The following TBC1D5 variants were observed in gnomAD, a reference collection of about 807,000 sequenced individuals.
TBC1D5 encodes TBC1 domain family member 5.
TBC1D5 carries 75 observed loss-of-function variants against 100.3 expected under a neutral mutation model. The observed-to-expected ratio is 0.75, with a 90% CI of 0.62 to 0.91. The LOEUF (loss-of-function observed/expected upper bound fraction) is 0.91. Among genes scored for constraint, TBC1D5 ranks in the 40% least tolerant of loss-of-function variants. The probability of loss-of-function intolerance (pLI) is 0.00; values close to 1 mark genes in which losing one functional copy is unlikely to be tolerated. For synonymous variants in TBC1D5, 323 were observed against 325.6 expected, an observed-to-expected ratio of 0.99 and a Z score of 0.09; for missense variants, 910 against 942.4, an observed-to-expected ratio of 0.97 and a Z score of 0.45.
chr3:17,446,693 C>T (rs1055915614), intron 3 of TBC1D5, among the ~76,000 whole-genome samples: 2 of 152,160 alleles, frequency 1.3e-5, no homozygotes, highest in African/African-American at 2.4e-5. Flanking sequence ...CACATTGGGC[C>T]GGGCGCGGTG....
chr3:17,176,359 G>C (rs1377279298), intron 19 of TBC1D5, among the ~76,000 whole-genome samples: 1 of 152,188 alleles, frequency 6.6e-6, no homozygotes, highest in Admixed American at 6.5e-5. Flanking sequence ...GCTCTACCAG[G>C]AATGAAATGA....
At chr3:17,634,606 C>G (rs117692078) in intron 1 of TBC1D5, among the ~76,000 whole-genome samples, 2,218 of 134,878 alleles carry the variant, frequency 0.016, 35 homozygotes, top group South Asian at 0.046. Flanking sequence ...ATAGAGGGGA[C>G]GTGGGGATGG....
intron 1 of TBC1D5, among the ~76,000 whole-genome samples, chr3:17,633,036 C>T (rs977116734): frequency 2.6e-5 from 4 of 152,100 alleles, no homozygotes; most frequent in African/African-American, 9.7e-5. Flanking sequence ...TTCTTTCCTT[C>T]TTCCTAATGA....
chr3:17,719,485 C>CGTTA lies in TBC1D5; in HGVS notation c.-101+19857_-101+19858insTAAC, dbSNP rs568545131. Among the ~76,000 whole-genome samples the CGTTA allele has an allele frequency of 4.9e-3, 743 of 152,168 alleles. 3 individuals carry two copies. The highest frequency in any genetic ancestry group is 0.017 in the African/African-American group (701 of 41,528). On this transcript the variant is annotated intron_variant, in intron 1 of 21. Transcript: ENST00000253692. ...ATTTCTTTTGTTTAACCTCAGTTTT[C>CGTTA]TTAACAGTATTACAGAATGTGAAGA...
At chr3:17,737,250 A>C (rs923632530) in intron 1 of TBC1D5, among the ~76,000 whole-genome samples, 6 of 152,178 alleles carry the variant, frequency 3.9e-5, no homozygotes, top group African/African-American at 1.2e-4. Context: ...CTGAAGACTC[A>C]CAATTAGAAG....
chr3:17,688,283 C>T (rs1397337286), intron 1 of TBC1D5, among the ~76,000 whole-genome samples: 1 of 151,980 alleles, frequency 6.6e-6, no homozygotes, highest in African/African-American at 2.4e-5. Flanking sequence ...TCTAGAGAGA[C>T]TGAGACCATA....
At chr3:17,498,610 A>G (rs571849788) in intron 3 of TBC1D5, among the ~76,000 whole-genome samples, 1 of 152,198 alleles carries the variant, frequency 6.6e-6, no homozygotes. Flanking sequence ...TACAATTTAT[A>G]ATCTGCTACA....
At chr3:17,291,397 A>T (rs1407415571) in intron 15 of TBC1D5, among the ~76,000 whole-genome samples, 1 of 152,244 alleles carries the variant, frequency 6.6e-6, no homozygotes, top group African/African-American at 2.4e-5. Context: ...TTATTTTATT[A>T]GATTACTCTT....
chr3:17,558,525 CAGG>C (rs1387664124), intron 2 of TBC1D5, among the ~76,000 whole-genome samples: 2 of 151,994 alleles, frequency 1.3e-5, no homozygotes, highest in African/African-American at 4.8e-5. Flanking sequence ...TAGTCATGAA[CAGG>C]TTGAATTCAT....
intron 8 of TBC1D5, among the ~76,000 whole-genome samples, chr3:17,396,108 T>C (rs915030145): frequency 2.6e-5 from 4 of 152,124 alleles, no homozygotes; most frequent in Admixed American, 6.6e-5. Context: ...GCTTGTGTTG[T>C]AGTTTTCACT....
chr3:17,409,700 T>G (rs559794949), intron 4 of TBC1D5, among the ~76,000 whole-genome samples: 1 of 152,150 alleles, frequency 6.6e-6, no homozygotes, highest in African/African-American at 2.4e-5. Flanking sequence ...ATGGTCTGGA[T>G]AGAAAATCAA....
At chr3:17,337,302 T>G (rs1448661962) in intron 13 of TBC1D5, 1 of 151,934 alleles carries the variant, frequency 6.6e-6, no homozygotes, top group Non-Finnish European at 1.5e-5. Flanking sequence ...CACCAATTAG[T>G]TTAAGGCAAA....
At chr3:17,591,261 A>AAAAAAC (rs1560228080) in intron 2 of TBC1D5, among the ~76,000 whole-genome samples, 10 of 115,064 alleles carry the variant, frequency 8.7e-5, no homozygotes, top group East Asian at 2.1e-4. Flanking sequence ...AAAAAAAAAA[A>AAAAAAC]AAAAACAAAA....
intron 1 of TBC1D5, among the ~76,000 whole-genome samples, chr3:17,725,570 C>G (rs4132964): frequency 6.6e-6 from 1 of 152,086 alleles, no homozygotes; most frequent in Non-Finnish European, 1.5e-5. Context: ...GCTTCCATTT[C>G]TATATCCTGT....
intron 1 of TBC1D5, among the ~76,000 whole-genome samples, chr3:17,658,438 G>C (rs1351040736): frequency 6.6e-6 from 1 of 152,058 alleles, no homozygotes; most frequent in African/African-American, 2.4e-5. Flanking sequence ...GTCCGAAACA[G>C]GAAAAATCTC....
chr3:17,224,390 TAAAG>T (rs1000745737), intron 17 of TBC1D5, among the ~76,000 whole-genome samples: 22 of 152,176 alleles, frequency 1.4e-4, no homozygotes, highest in Admixed American at 1.1e-3. Context: ...ACTTAAAAAG[TAAAG>T]AAAGATAAAA....
chr3:17,322,020 T>A (rs1033650354), intron 13 of TBC1D5, among the ~76,000 whole-genome samples: 2 of 152,242 alleles, frequency 1.3e-5, no homozygotes, highest in Admixed American at 1.3e-4. Flanking sequence ...CTTACTACTA[T>A]TGCATTCCTA....
At chr3:17,621,224 T>C (rs942073494) in intron 2 of TBC1D5, among the ~76,000 whole-genome samples, 25 of 152,206 alleles carry the variant, frequency 1.6e-4, no homozygotes, top group African/African-American at 5.8e-4. Context: ...TGTTTTTCAA[T>C]ATGCATTTGT....
intron 13 of TBC1D5, among the ~76,000 whole-genome samples, chr3:17,320,734 C>T (rs887259083): frequency 5.3e-5 from 8 of 152,100 alleles, no homozygotes; most frequent in African/African-American, 1.9e-4. Flanking sequence ...TACCAAAAAG[C>T]TAGTTAGTTC....
Sources: allele counts gnomAD v4.1 joint callset (sites outside exome capture counted in the v4.1 genomes callset), GRCh38; gene constraint gnomAD v4.1.1; transcripts MANE v1.5; gene names NCBI Gene and HGNC (gene_info 2026-07-23, HGNC 2026-07-21).